ENAH: variants seen among roughly 807,000 people sequenced by gnomAD.
ENAH encodes the protein protein enabled homolog.
ENAH carries 23 observed loss-of-function variants against 78.7 expected under a neutral mutation model. The observed-to-expected ratio is 0.29, with a 90% CI of 0.21 to 0.41. The LOEUF is 0.41. Ranked by LOEUF, ENAH falls within the 10% of genes least tolerant of loss-of-function variation. The pLI, the probability that ENAH is intolerant of heterozygous loss-of-function variation, is 1.00. For missense variants in ENAH, 544 were observed against 691.0 expected (o/e 0.79, Z 2.39); for synonymous variants, 226 against 241.0 (o/e 0.94, Z 0.58).
intron 1 of ENAH, among the ~76,000 whole-genome samples, chr1:225,640,382 A>T (rs1250951111): frequency 6.6e-6 from 1 of 152,212 alleles, no homozygotes; most frequent in African/African-American, 2.4e-5. Flanking sequence ...TATCTCTGAA[A>T]TGTTCTAGGT....
At chr1:225,639,721 C>G (rs936700286) in intron 1 of ENAH, among the ~76,000 whole-genome samples, 1 of 148,000 alleles carries the variant, frequency 6.8e-6, no homozygotes, top group South Asian at 2.1e-4. Context: ...CACACACACA[C>G]ACACACACAC....
At chr1:225,567,966 C>T (rs1027540597) in intron 1 of ENAH, among the ~76,000 whole-genome samples, 2 of 152,156 alleles carry the variant, frequency 1.3e-5, no homozygotes, top group African/African-American at 4.8e-5. Flanking sequence ...CCCCTTGAGA[C>T]ATGGAGTGGC....
chr1:225,651,218 A>G (rs1395460694), intron 1 of ENAH, among the ~76,000 whole-genome samples: 1 of 152,110 alleles, frequency 6.6e-6, no homozygotes, highest in African/African-American at 2.4e-5. Context: ...TCAAGGGAAA[A>G]GGGGTCAGTC....
At chr1:225,575,906 T>G (rs1267515453) in intron 1 of ENAH, among the ~76,000 whole-genome samples, 1 of 152,124 alleles carries the variant, frequency 6.6e-6, no homozygotes, top group Admixed American at 6.6e-5. Context: ...AGCCCTGAAA[T>G]ACGACAGTGA....
intron 3 of ENAH, among the ~76,000 whole-genome samples, chr1:225,534,817 A>G (rs913892973): frequency 2.0e-5 from 3 of 152,190 alleles, no homozygotes; most frequent in Non-Finnish European, 4.4e-5. Flanking sequence ...ATCTGTGTTT[A>G]TAGATAGATA....
rs1448200960 is a variant in ENAH at position 225,514,860 on chromosome 1, TGGTGGAGGA to T, written c.945_953del (p.Pro316_Pro318del). 1.1e-5 allele frequency: 17 copies of T among 1,599,894 alleles called. No homozygotes were observed. Among genetic ancestry groups the T allele is most frequent in the East Asian group, 2.2e-5 (1 of 44,578 alleles). On this transcript the variant is annotated inframe_deletion, in exon 7 of 14. Coordinates refer to ENST00000366843, the MANE Select transcript of ENAH (RefSeq NM_018212.6). ...AAGCCTGTGCAGGCCCTGGTGGGAG[TGGTGGAGGA>T]GGTGGAGGTGCAAGTGGTCCCAAGA...
rs192599570 is a variant in ENAH, at chr1:225,638,269, A to G, written c.5+14417T>C. Among the ~76,000 whole-genome samples, 7 of 152,174 alleles carry G rather than the reference A, an allele frequency of 4.6e-5. No homozygotes were observed. The East Asian group carries it at 1.4e-3, about 29-fold the overall frequency. On this transcript the variant is annotated intron_variant, in intron 1 of 13. Transcript: ENST00000366843. ...CATTCCAGGCTCAAGTGATCCTCCT[A>G]CCTCAATCTCCTGAGTATAGCTAGG...
chr1:225,611,776 G>C (rs1247891447), intron 1 of ENAH, among the ~76,000 whole-genome samples: 1 of 152,072 alleles, frequency 6.6e-6, no homozygotes, highest in African/African-American at 2.4e-5. Context: ...GACAGAGTGA[G>C]AAAAAGATAA....
At chr1:225,566,754 T>G (rs1447898467) in intron 2 of ENAH, among the ~76,000 whole-genome samples, 1 of 152,214 alleles carries the variant, frequency 6.6e-6, no homozygotes, top group Admixed American at 6.5e-5. Context: ...AGTAAAAGCT[T>G]AGCTGTCGCC....
chr1:225,601,290 G>A (rs2096929309), intron 1 of ENAH, among the ~76,000 whole-genome samples: 1 of 152,156 alleles, frequency 6.6e-6, no homozygotes, highest in Admixed American at 6.5e-5. Context: ...GGAGGCCGAG[G>A]TGGGCGGATC....
chr1:225,590,227 T>C (rs2096868919), intron 1 of ENAH, among the ~76,000 whole-genome samples: 1 of 152,064 alleles, frequency 6.6e-6, no homozygotes, highest in Non-Finnish European at 1.5e-5. Context: ...CTCACGCCTA[T>C]AATCCCAGCA....
At chr1:225,616,866 G>C (rs1655812235) in intron 1 of ENAH, among the ~76,000 whole-genome samples, 1 of 152,172 alleles carries the variant, frequency 6.6e-6, no homozygotes, top group South Asian at 2.1e-4. Flanking sequence ...TTGCGAGGCT[G>C]AGGCGGGCAG....
rs1237905363 is a variant in ENAH, at chr1:225,489,059, A to AG, written c.*8715dup. On this transcript the variant is annotated 3_prime_UTR_variant, in exon 14 of 14. Coordinates refer to ENST00000366843, the MANE Select transcript of ENAH (RefSeq NM_018212.6). ...ACAGTGATAGAATAAACAGCAGCAC[A>AG]GCAGGTTCAGATGATATGAAAACCA... 6.6e-6 allele frequency: 1 copy of AG among 152,246 alleles called. No individual in the cohort carries two copies. Among genetic ancestry groups the AG allele is most frequent in the South Asian group, 2.1e-4 (1 of 4,830 alleles). 9.4% of individuals were successfully genotyped at this position (152,246 alleles called of 1,614,324 possible).
intron 1 of ENAH, among the ~76,000 whole-genome samples, chr1:225,634,310 T>A (rs1354673117): frequency 6.6e-6 from 1 of 152,250 alleles, no homozygotes; most frequent in Admixed American, 6.5e-5. Context: ...ACATATTTTT[T>A]AAAATGTGTA....
chr1:225,530,981 TGG>T (rs2096534880), intron 3 of ENAH: 5 of 401,976 alleles, frequency 1.2e-5, no homozygotes, highest in Non-Finnish European at 2.2e-5. Context: ...ACATTCTCTT[TGG>T]GGTAATTATT....
intron 2 of ENAH, among the ~76,000 whole-genome samples, chr1:225,556,956 A>C (rs1234819031): frequency 6.6e-6 from 1 of 152,194 alleles, no homozygotes; most frequent in Non-Finnish European, 1.5e-5. Flanking sequence ...TGCAGCACAT[A>C]AATCAAGTGT....
intron 4 of ENAH, chr1:225,524,734 A>G (rs772672390): frequency 1.2e-6 from 1 of 850,400 alleles, no homozygotes; most frequent in Non-Finnish European, 1.4e-6. Context: ...TAACTTTCAG[A>G]TAGTACTGGT....
At chr1:225,528,392 C>T (rs900357401) in intron 4 of ENAH, among the ~76,000 whole-genome samples, 1 of 152,024 alleles carries the variant, frequency 6.6e-6, no homozygotes, top group Admixed American at 6.6e-5. Context: ...GTATGGTGTA[C>T]ACAGAGACAG....
chr1:225,648,716 T>C (rs1446362273), intron 1 of ENAH, among the ~76,000 whole-genome samples: 1 of 151,644 alleles, frequency 6.6e-6, no homozygotes, highest in Non-Finnish European at 1.5e-5. Context: ...ATATCTCACT[T>C]GACACTTCAC....
Sources: gnomAD v4.1 joint callset for allele counts (sites outside exome capture counted in the v4.1 genomes callset) on GRCh38, gnomAD v4.1.1 for gene constraint, MANE v1.5 for transcripts, NCBI Gene and HGNC (gene_info 2026-07-23, HGNC 2026-07-21) for gene names.